The following POPDC1 variants were observed in gnomAD, a reference collection of about 807,000 sequenced individuals.
POPDC1 encodes the protein popeye domain-containing protein 1.
chr6:105,105,078 G>A, the POPDC1 span, among the ~76,000 whole-genome samples: 1 of 152,202 alleles, frequency 6.6e-6, no homozygotes, highest in Non-Finnish European at 1.5e-5. Flanking sequence ...CACATCCTAG[G>A]AGGATAAACC....
the POPDC1 span, chr6:105,133,358 T>A: frequency 6.2e-7 from 1 of 1,610,746 alleles, no homozygotes; most frequent in Non-Finnish European, 8.5e-7. Flanking sequence ...TTACCTAGAG[T>A]TAACATTCCC....
At chr6:105,124,790 A>T in the POPDC1 span, 7 of 660,244 alleles carry the variant, frequency 1.1e-5, no homozygotes, top group Admixed American at 2.0e-4. Context: ...GGACATAACT[A>T]AAAGCACTTC....
chr6:105,120,667 A>C, the POPDC1 span, among the ~76,000 whole-genome samples: 1 of 152,216 alleles, frequency 6.6e-6, no homozygotes, highest in Non-Finnish European at 1.5e-5. Context: ...GTACTGGATC[A>C]GTTCCTCCCT....
chr6:105,125,275 ACT>A, the POPDC1 span: 1 of 1,246,938 alleles, frequency 8.0e-7, no homozygotes, highest in Non-Finnish European at 1.1e-6. Context: ...CCAACAACAA[ACT>A]CTGTGACTGC....
chr6:105,115,607 C>T, the POPDC1 span: 1 of 1,480,028 alleles, frequency 6.8e-7, no homozygotes, highest in Admixed American at 2.2e-5. Context: ...AGTTATTTTT[C>T]TAATCAAAGT....
At chr6:105,133,259 G>T in the POPDC1 span, 1 of 1,110,112 alleles carries the variant, frequency 9.0e-7, no homozygotes, top group Non-Finnish European at 1.3e-6. Flanking sequence ...GCTTGCTATG[G>T]GCCTGACAAA....
At chr6:105,124,299 G>A in the POPDC1 span, among the ~76,000 whole-genome samples, 2 of 151,058 alleles carry the variant, frequency 1.3e-5, no homozygotes, top group African/African-American at 2.4e-5. Flanking sequence ...GGAGAATGGC[G>A]TGAACCTGGG....
At chr6:105,104,700 G>T in the POPDC1 span, among the ~76,000 whole-genome samples, 6 of 152,118 alleles carry the variant, frequency 3.9e-5, no homozygotes, top group African/African-American at 1.4e-4. Flanking sequence ...GAATTGATTC[G>T]ACACTGCTTA....
chr6:105,124,038 T>C, the POPDC1 span, among the ~76,000 whole-genome samples: 1 of 151,860 alleles, frequency 6.6e-6, no homozygotes. Flanking sequence ...AGAAATAACA[T>C]TATGACAAAA....
At chr6:105,125,894 C>G in the POPDC1 span, among the ~76,000 whole-genome samples, 2 of 152,064 alleles carry the variant, frequency 1.3e-5, no homozygotes, top group African/African-American at 4.8e-5. Context: ...GAGGCTCTAT[C>G]TCTAATTAAA....
At chr6:105,109,054 C>T in the POPDC1 span, among the ~76,000 whole-genome samples, 30 of 152,130 alleles carry the variant, frequency 2.0e-4, no homozygotes, top group African/African-American at 5.8e-4. Flanking sequence ...TCAACCTCCT[C>T]GGGCTCAGGT....
chr6:105,109,783 G>T, the POPDC1 span, among the ~76,000 whole-genome samples: 4 of 39,588 alleles, frequency 1.0e-4, no homozygotes, highest in East Asian at 1.5e-3. Flanking sequence ...AAAAAAAAAA[G>T]ATTAAGTGTA....
chr6:105,121,321 A>G, the POPDC1 span, among the ~76,000 whole-genome samples: 1 of 149,988 alleles, frequency 6.7e-6, no homozygotes, highest in East Asian at 2.0e-4. Context: ...GCTGGAGTGC[A>G]GGGGTGTGAT....
At chr6:105,115,962 A>G in the POPDC1 span, 2 of 677,770 alleles carry the variant, frequency 3.0e-6, no homozygotes, top group Non-Finnish European at 4.5e-6. Context: ...TTAGGTGGCC[A>G]ATAAACATAA....
At chr6:105,116,958 T>C in the POPDC1 span, 1 of 1,212,838 alleles carries the variant, frequency 8.2e-7, no homozygotes, top group Non-Finnish European at 1.1e-6. Context: ...AATGATTTAG[T>C]GGACATTATC....
At chr6:105,122,697 G>T in the POPDC1 span, among the ~76,000 whole-genome samples, 1 of 152,280 alleles carries the variant, frequency 6.6e-6, no homozygotes, top group South Asian at 2.1e-4. Context: ...CTGTAAAAAG[G>T]TCACAGCAAA....
At chr6:105,131,874 T>C in the POPDC1 span, among the ~76,000 whole-genome samples, 1 of 152,096 alleles carries the variant, frequency 6.6e-6, no homozygotes, top group Admixed American at 6.6e-5. Context: ...TTCCTACTGC[T>C]GTAATCCTCA....
At chr6:105,124,572 T>C in the POPDC1 span, 22 of 1,610,664 alleles carry the variant, frequency 1.4e-5, no homozygotes, top group Admixed American at 3.7e-4. Context: ...TTTGTGCATC[T>C]GAGTTGATCT....
the POPDC1 span, among the ~76,000 whole-genome samples, chr6:105,122,605 G>C: frequency 6.6e-6 from 1 of 152,134 alleles, no homozygotes; most frequent in African/African-American, 2.4e-5. Flanking sequence ...GATTATATGA[G>C]ATAGTTATCA....
Sources: gnomAD v4.1 joint callset for allele counts (sites outside exome capture counted in the v4.1 genomes callset) on GRCh38, gnomAD v4.1.1 for gene constraint, MANE v1.5 for transcripts, NCBI Gene and HGNC (gene_info 2026-07-23, HGNC 2026-07-21) for gene names.